ATP9A: variants seen among roughly 807,000 people sequenced by gnomAD.
ATP9A encodes the protein ATPase phospholipid transporting 9A, also known as probable phospholipid-transporting ATPase IIA.
Under a neutral mutation model 144.1 loss-of-function variants are expected in ATP9A, and 52 were observed. The ratio of observed to expected loss-of-function variants is 0.36; its 90% CI spans 0.29 to 0.45. The LOEUF (loss-of-function observed/expected upper bound fraction) is 0.45. Among genes scored for constraint, ATP9A ranks in the 20% least tolerant of loss-of-function variants. ATP9A has a pLI of 1.00. For missense variants in ATP9A, 947 were observed against 1,392.7 expected, an observed-to-expected ratio of 0.68 and a Z score of 5.09; for synonymous variants, 582 against 557.4, an observed-to-expected ratio of 1.04 and a Z score of -0.62.
intron 21 of ATP9A, 117 bp downstream of exon 21, chr20:51,618,545 G>A (rs2077212710): frequency 1.4e-6 from 2 of 1,419,450 alleles, no homozygotes; most frequent in Middle Eastern, 2.6e-4. Context: ...ATCATGACCT[G>A]AACAAAGGGG....
chr20:51,625,503 G>C (rs1568791064), intron 17 of ATP9A, 141 bp from the exon 18 acceptor site: 2 of 899,522 alleles, frequency 2.2e-6, no homozygotes, highest in East Asian at 5.4e-5. Context: ...GACCCCACAG[G>C]GGTGACATAG....
chr20:51,649,333 G>A (rs1309873473), intron 14 of ATP9A, among the ~76,000 whole-genome samples: 1 of 152,182 alleles, frequency 6.6e-6, no homozygotes, highest in Non-Finnish European at 1.5e-5. Context: ...CTCTAGGCAT[G>A]GGCTGTCTGG....
intron 9 of ATP9A, among the ~76,000 whole-genome samples, chr20:51,679,092 G>A (rs1032513664): frequency 7.9e-5 from 12 of 152,160 alleles, no homozygotes; most frequent in Admixed American, 2.0e-4. Flanking sequence ...GGGAGGCCGA[G>A]ACAGGCAGAT....
intron 4 of ATP9A, among the ~76,000 whole-genome samples, chr20:51,712,743 G>T (rs2077645051): frequency 6.6e-6 from 1 of 152,230 alleles, no homozygotes; most frequent in Non-Finnish European, 1.5e-5. Context: ...TATTTGACAA[G>T]ACCAACACCA....
In ATP9A at chr20:51,730,407, G is replaced by A. The variant is rs548918845; in HGVS notation, c.69-429C>T. Among the ~76,000 whole-genome samples, 16 of 152,314 alleles carry A rather than the reference G, an allele frequency of 1.1e-4. No individual in the cohort carries two copies. In the South Asian group the frequency reaches 2.1e-3, roughly 20 times the overall value. ...CGCTTGAAACCAAGAGGCGGAGGTC[G>A]CAGTGAGCCAAGATCGCACCACTGC... On this transcript the variant is annotated intron_variant, in intron 1 of 27. Coordinates refer to ENST00000338821, the MANE Select transcript of ATP9A (RefSeq NM_006045.3).
In ATP9A at chr20:51,694,083, C is replaced by T. The variant is rs1242578651; in HGVS notation, c.567G>A (p.Thr189=). 7 of 1,614,128 alleles carry T rather than the reference C, an allele frequency of 4.3e-6. No individual in the cohort carries two copies. Among genetic ancestry groups the T allele is most frequent in the Admixed American group, 3.3e-5 (2 of 60,010 alleles). The change falls in exon 7 of 28, where the codon ACG becomes ACA. Residue 189 remains threonine, a synonymous_variant. Transcript: ENST00000338821. Reference sequence around the variant, plus strand: ...AGTCCGTCTCCCCATCCAGCTGATCCGTCCGCAAGAAGCATGACCCTGTGG... The same window carrying T: ...AGTCCGTCTCCCCATCCAGCTGATCTGTCCGCAAGAAGCATGACCCTGTGG... ...SEKNGSCFLR[T]DQLDGETDWK... is the part of the protein sequence containing the mutation.
At chr20:51,629,132 A>G in intron 15 of ATP9A, 60 bp from the exon 16 acceptor site, 1 of 1,378,564 alleles carries the variant, frequency 7.3e-7, no homozygotes, top group South Asian at 1.2e-5. Flanking sequence ...TCAGCGGCAA[A>G]GCCCGCTTCC....
chr20:51,735,329 C>T (rs2426394), intron 1 of ATP9A, among the ~76,000 whole-genome samples: 148,833 of 152,348 alleles, frequency 0.98, 72,724 homozygotes, highest in East Asian at 1. Context: ...TGCAGGGAGA[C>T]GCTTGCATGA....
chr20:51,748,393 G>T (rs6096556), intron 1 of ATP9A, among the ~76,000 whole-genome samples: 38,059 of 152,068 alleles, frequency 0.25, 5,192 homozygotes, highest in Non-Finnish European at 0.3. Context: ...TAAACACAGG[G>T]TCCAGTGGGA....
Position 51,599,524 on chromosome 20 carries a change from A to G in ATP9A, c.*1687T>C, listed in dbSNP as rs531958491. 4.6e-5 allele frequency: 7 copies of G among 152,372 alleles called. No homozygotes were observed. The East Asian group carries it at 1.2e-3, about 25-fold the overall frequency. The allele number at this position is 152,372 out of a possible 1,614,324, so 9.4% of individuals were successfully genotyped here. A position where few individuals can be genotyped will look rare whatever the true frequency, so the allele number is the denominator to read the frequency against. On this transcript the variant is annotated 3_prime_UTR_variant, in exon 28 of 28. Transcript: ENST00000338821. ...GAAATGGCTGAATCAGATAGAGAAA[A>G]GTACTGCAAAACTGCAGAATCATAA...
chr20:51,609,678 C>T (rs1475481823), intron 24 of ATP9A, among the ~76,000 whole-genome samples: 1 of 152,174 alleles, frequency 6.6e-6, no homozygotes. Context: ...TCTGGCCCTC[C>T]CTGGAGCTCC....
At chr20:51,763,013 C>A (rs1487000263) in intron 1 of ATP9A, among the ~76,000 whole-genome samples, 2 of 152,028 alleles carry the variant, frequency 1.3e-5, no homozygotes, top group Non-Finnish European at 2.9e-5. Flanking sequence ...AGCCACCAAG[C>A]CCAACTGAAA....
intron 15 of ATP9A, among the ~76,000 whole-genome samples, chr20:51,630,310 T>C (rs187388516): frequency 9.3e-4 from 142 of 152,336 alleles, no homozygotes; most frequent in African/African-American, 3.1e-3. Flanking sequence ...AAACTGAGCA[T>C]GGCCATCAAT....
intron 15 of ATP9A, 62 bp downstream of exon 15, chr20:51,639,281 G>T: frequency 6.6e-7 from 1 of 1,507,188 alleles, no homozygotes; most frequent in South Asian, 1.3e-5. Flanking sequence ...TCAACCCACA[G>T]GGACACACGC....
intron 14 of ATP9A, among the ~76,000 whole-genome samples, chr20:51,648,100 C>T (rs2072828988): frequency 6.6e-6 from 1 of 152,204 alleles, no homozygotes; most frequent in Non-Finnish European, 1.5e-5. Flanking sequence ...CTGCTTCACA[C>T]TCCGAGCTCA....
intron 9 of ATP9A, among the ~76,000 whole-genome samples, chr20:51,677,313 C>T (rs2077481636): frequency 6.6e-6 from 1 of 152,138 alleles, no homozygotes; most frequent in Non-Finnish European, 1.5e-5. Flanking sequence ...ACCAAAAGAA[C>T]AGTCACTAAC....
At chr20:51,736,517 G>GTTT (rs11484154) in intron 1 of ATP9A, among the ~76,000 whole-genome samples, 1 of 146,820 alleles carries the variant, frequency 6.8e-6, no homozygotes, top group Non-Finnish European at 1.5e-5. Context: ...TTTTGTTTTT[G>GTTT]TTTTTTTTTC....
At chr20:51,675,217 C>T (rs1331643440) in intron 10 of ATP9A, among the ~76,000 whole-genome samples, 2 of 152,158 alleles carry the variant, frequency 1.3e-5, no homozygotes, top group East Asian at 1.9e-4. Flanking sequence ...CAGGATAAGG[C>T]TAAAACATTA....
intron 4 of ATP9A, among the ~76,000 whole-genome samples, chr20:51,709,456 A>C (rs897861446): frequency 1.3e-5 from 2 of 151,948 alleles, no homozygotes. Context: ...CAGAGGTTGC[A>C]GTGAGCCGAG....
Sources: gnomAD v4.1 joint callset for allele counts (sites outside exome capture counted in the v4.1 genomes callset) on GRCh38, gnomAD v4.1.1 for gene constraint, MANE v1.5 for transcripts, NCBI Gene and HGNC (gene_info 2026-07-23, HGNC 2026-07-21) for gene names.